The following WWC2 variants were observed in gnomAD, a reference collection of about 807,000 sequenced individuals.
WWC2 encodes the protein protein WWC2.
Under a neutral mutation model 138.5 loss-of-function variants are expected in WWC2, and 101 were observed. That is an observed-to-expected ratio of 0.73 (90% CI 0.62 to 0.86). The LOEUF is 0.86. Ranked by LOEUF, WWC2 falls within the 40% of genes least tolerant of loss-of-function variation. WWC2 has a pLI of 0.00. For missense variants in WWC2, 1,420 were observed against 1,419.4 expected, an observed-to-expected ratio of 1.00 and a Z score of -0.01; for synonymous variants, 558 against 538.4, an observed-to-expected ratio of 1.04 and a Z score of -0.50.
rs138356733 is a variant in WWC2 at position 183,268,774 on chromosome 4, G to A, written c.2208-197G>A. Among the ~76,000 whole-genome samples, 1,290 of 152,288 alleles carry A rather than the reference G, an allele frequency of 8.5e-3. 16 individuals are homozygous for A. Among genetic ancestry groups the A allele is most frequent in the African/African-American group, 0.03 (1,226 of 41,546 alleles). ...AGGCTGGGCCATTGCATGCTCAGGG[G>A]CGTAGTCAGCTCGGGTGGGTTAAGG... is the stretch of plus-strand genomic sequence containing the variant. On this transcript the variant is annotated intron_variant, in intron 14 of 22. Transcript: ENST00000403733.
chr4:183,318,871 C>T lies in WWC2; in HGVS notation c.*3142C>T, dbSNP rs902113075. 2 of 152,272 alleles carry T rather than the reference C, an allele frequency of 1.3e-5. No homozygotes were observed. The highest frequency in any genetic ancestry group is 3.8e-4 in the East Asian group (2 of 5,204). 9.4% of individuals were successfully genotyped at this position (152,272 alleles called of 1,614,324 possible). A position where few individuals can be genotyped will look rare whatever the true frequency, so the allele number is the denominator to read the frequency against. On this transcript the variant is annotated 3_prime_UTR_variant, in exon 23 of 23. Transcript: ENST00000403733. ...CCTGCCGTGCCCCCCACAGGCTGCT[C>T]AGTGCCTGGGAAGCCAGAAACGCTG...
At chr4:183,267,549 G>C (rs1403319633) in intron 14 of WWC2, among the ~76,000 whole-genome samples, 1 of 152,190 alleles carries the variant, frequency 6.6e-6, no homozygotes, top group Non-Finnish European at 1.5e-5. Context: ...GAAAACTACA[G>C]AACACCCCAA....
chr4:183,146,223 T>G (rs888601368), intron 1 of WWC2, among the ~76,000 whole-genome samples: 6 of 152,106 alleles, frequency 3.9e-5, no homozygotes. Flanking sequence ...TGAGCATGTA[T>G]TAGTAGAGGC....
In WWC2 at chr4:183,261,415, A is replaced by G. The variant is rs200906369; in HGVS notation, c.1792A>G (p.Ser598Gly). The change falls in exon 11 of 23, where the codon AGC (serine) becomes GGC (glycine). Residue 598 changes from serine to glycine, a missense_variant. Transcript: ENST00000403733. Reference sequence around the variant, plus strand: ...GTTGAGTAGCCATTTTGCAGATATCAGCCTCATCGAAAATCAGATTTTGCT... The same window carrying G: ...GTTGAGTAGCCATTTTGCAGATATCGGCCTCATCGAAAATCAGATTTTGCT... The part of the protein sequence containing the change: ...CELSSHFADI[S>G]LIENQILLDS... 38 of 1,612,692 alleles carry G rather than the reference A, an allele frequency of 2.4e-5. No individual in the cohort carries two copies. Among genetic ancestry groups the G allele is most frequent in the East Asian group, 8.9e-5 (4 of 44,880 alleles).
intron 1 of WWC2, among the ~76,000 whole-genome samples, chr4:183,165,503 T>C (rs1734107588): frequency 6.6e-6 from 1 of 152,192 alleles, no homozygotes; most frequent in Non-Finnish European, 1.5e-5. Flanking sequence ...TAATGTTTAA[T>C]TTTTAGAGAA....
In WWC2 at chr4:183,320,325, A is replaced by G; in HGVS notation, c.*4596A>G. On this transcript the variant is annotated 3_prime_UTR_variant, in exon 23 of 23. Coordinates refer to ENST00000403733, the MANE Select transcript of WWC2 (RefSeq NM_024949.6). Reference sequence around the variant, plus strand: ...TTATGAAACTCAGAAATATTTCTTCATTGTGTATATAGGAGGATTCTTGCC... The same window carrying G: ...TTATGAAACTCAGAAATATTTCTTCGTTGTGTATATAGGAGGATTCTTGCC... 3 of 1,039,494 alleles carry G rather than the reference A, an allele frequency of 2.9e-6. No individual in the cohort carries two copies. Among genetic ancestry groups the G allele is most frequent in the Non-Finnish European group, 4.2e-6 (3 of 707,750 alleles). The allele number at this position is 1,039,494 out of a possible 1,614,324, so 64.4% of individuals were successfully genotyped here. A position where few individuals can be genotyped will look rare whatever the true frequency, so the allele number is the denominator to read the frequency against.
At chr4:183,136,268 A>G (rs1733110609) in intron 1 of WWC2, among the ~76,000 whole-genome samples, 1 of 151,970 alleles carries the variant, frequency 6.6e-6, no homozygotes, top group Admixed American at 6.6e-5. Flanking sequence ...TCTATGGTCT[A>G]TACCTCTTTC....
chr4:183,176,876 G>C (rs550261422), intron 1 of WWC2, among the ~76,000 whole-genome samples: 1 of 152,256 alleles, frequency 6.6e-6, no homozygotes, highest in African/African-American at 2.4e-5. Flanking sequence ...AGAACGCTGT[G>C]CCCTCCTCAT....
rs1300015395 is a variant in WWC2, at chr4:183,240,225, C to T, written c.565C>T (p.Leu189=). 4 of 1,552,784 alleles carry T rather than the reference C, an allele frequency of 2.6e-6. No homozygotes were observed. The highest frequency in any genetic ancestry group is 8.7e-7 in the Non-Finnish European group (1 of 1,147,938). The stretch of plus-strand genomic sequence containing the variant: ...AGAGCTCTCACAGATGAAGCAGGAA[C>T]TGCTCTATAAAGAACAAGGCTTTGA... ...KRELSQMKQE[L]LYKEQGFETL... is the part of the protein sequence containing the mutation. Residue 189 remains leucine, a synonymous_variant, in exon 5 of 23, where the codon CTG becomes TTG. Transcript: ENST00000403733.
intron 1 of WWC2, among the ~76,000 whole-genome samples, chr4:183,138,977 T>C (rs181624959): frequency 6.6e-6 from 1 of 152,338 alleles, no homozygotes; most frequent in African/African-American, 2.4e-5. Context: ...TCACATGTAC[T>C]CTGCATCTTG....
At chr4:183,176,079 T>C (rs1364193526) in intron 1 of WWC2, among the ~76,000 whole-genome samples, 1 of 152,228 alleles carries the variant, frequency 6.6e-6, no homozygotes, top group East Asian at 1.9e-4. Context: ...GAAGTTAGTA[T>C]AGTTATCAAA....
At chr4:183,176,142 G>A (rs1233951078) in intron 1 of WWC2, among the ~76,000 whole-genome samples, 1 of 152,184 alleles carries the variant, frequency 6.6e-6, no homozygotes, top group Non-Finnish European at 1.5e-5. Flanking sequence ...ATCTGGTGCT[G>A]TGCCAGAGGA....
At chr4:183,193,494 TAAG>T in intron 1 of WWC2, 102 bp from the exon 2 acceptor site, 5 of 967,810 alleles carry the variant, frequency 5.2e-6, no homozygotes, top group African/African-American at 1.7e-5. Flanking sequence ...TTTTTTTCTT[TAAG>T]ATTTTAAATG....
chr4:183,126,306 G>A (rs980908252), intron 1 of WWC2, among the ~76,000 whole-genome samples: 3 of 152,298 alleles, frequency 2.0e-5, no homozygotes, highest in South Asian at 2.1e-4. Flanking sequence ...CCTGGATTGC[G>A]TATTTAAAGA....
At chr4:183,254,044 G>A in intron 9 of WWC2, 45 bp downstream of exon 9, 1 of 1,595,090 alleles carries the variant, frequency 6.3e-7, no homozygotes, top group South Asian at 1.1e-5. Context: ...TCTTGTGGGG[G>A]TGTCTTAACT....
At chr4:183,284,530 T>C in intron 19 of WWC2, 140 bp downstream of exon 19, 6 of 1,000,704 alleles carry the variant, frequency 6.0e-6, no homozygotes, top group Non-Finnish European at 8.5e-6. Flanking sequence ...GTAAAACAGA[T>C]GTAGAATATC....
Position 183,205,284 on chromosome 4 carries a change from A to T in WWC2, c.242-2669A>T, listed in dbSNP as rs1006303829. The stretch of plus-strand genomic sequence containing the variant: ...ATAGTGAGCAATGGTATCCCATTAT[A>T]GTTTTGACTTGTATTTCGCTGATAA... On this transcript the variant is annotated intron_variant, in intron 2 of 22. Transcript: ENST00000403733. 2.6e-5 allele frequency among the ~76,000 whole-genome samples: 4 copies of T among 152,154 alleles called. No individual in the cohort carries two copies. In the East Asian group the frequency reaches 7.7e-4, roughly 29 times the overall value.
intron 1 of WWC2, among the ~76,000 whole-genome samples, chr4:183,133,648 C>T (rs1209642003): frequency 6.6e-6 from 1 of 152,144 alleles, no homozygotes; most frequent in Non-Finnish European, 1.5e-5. Flanking sequence ...AGATGCCCAC[C>T]ACCACGCCCA....
chr4:183,315,153 G>A (rs187143242), intron 22 of WWC2, among the ~76,000 whole-genome samples: 5 of 152,246 alleles, frequency 3.3e-5, no homozygotes, highest in Non-Finnish European at 5.9e-5. Flanking sequence ...CCGCTGCTTC[G>A]GGACCAGGGC....
Sources: gnomAD v4.1 joint callset for allele counts (sites outside exome capture counted in the v4.1 genomes callset) on GRCh38, gnomAD v4.1.1 for gene constraint, MANE v1.5 for transcripts, NCBI Gene and HGNC (gene_info 2026-07-23, HGNC 2026-07-21) for gene names.